C1orf21: variants seen among roughly 807,000 people sequenced by gnomAD.
C1orf21 encodes chromosome 1 open reading frame 21.
Under a neutral mutation model 18.7 loss-of-function variants are expected in C1orf21, and 3 were observed. The observed-to-expected ratio is 0.16, with a 90% CI of 0.07 to 0.42. C1orf21 has a LOEUF of 0.42. C1orf21 is among the 10% of genes least tolerant of loss of function. C1orf21 has a pLI of 0.99. For synonymous variants in C1orf21, 41 were observed against 46.4 expected (o/e 0.88, Z 0.47); for missense variants, 104 against 143.6 (o/e 0.72, Z 1.41).
chr1:184,539,994 G>C (rs546889857), intron 3 of C1orf21: 4 of 152,320 alleles, frequency 2.6e-5, no homozygotes, highest in African/African-American at 9.6e-5. Flanking sequence ...CCACGAGTGA[G>C]AAATAAACCC....
chr1:184,487,878 A>G lies in C1orf21; in HGVS notation c.94+10275A>G, dbSNP rs149081371. On this transcript the variant is annotated intron_variant, in intron 2 of 5. Coordinates refer to ENST00000235307, the MANE Select transcript of C1orf21 (RefSeq NM_030806.4). Reference sequence around the variant, plus strand: ...TTCATAGGGCTGTTGTGAGACTAAAATGTATTAATATTTGTAAATCTTAGC... The same window carrying G: ...TTCATAGGGCTGTTGTGAGACTAAAGTGTATTAATATTTGTAAATCTTAGC... 8.0e-3 allele frequency among the ~76,000 whole-genome samples: 1,225 copies of G among 152,296 alleles called. 5 individuals are homozygous for G. The highest frequency in any genetic ancestry group is 0.012 in the Non-Finnish European group (801 of 68,030).
At chr1:184,583,622 G>A (rs1005481744) in intron 3 of C1orf21, among the ~76,000 whole-genome samples, 1 of 152,150 alleles carries the variant, frequency 6.6e-6, no homozygotes, top group East Asian at 1.9e-4. Flanking sequence ...TGAAATAGAC[G>A]TGCTCAAACT....
At chr1:184,514,676 G>T (rs2101966765) in intron 3 of C1orf21, among the ~76,000 whole-genome samples, 1 of 152,286 alleles carries the variant, frequency 6.6e-6, no homozygotes, top group African/African-American at 2.4e-5. Flanking sequence ...GAGGAAGCTT[G>T]CACAAGACTA....
chr1:184,431,635 A>C (rs1449304191), intron 1 of C1orf21, among the ~76,000 whole-genome samples: 1 of 152,228 alleles, frequency 6.6e-6, no homozygotes, highest in East Asian at 1.9e-4. Context: ...TAATTAAACT[A>C]AAGAGCTTCT....
chr1:184,505,568 C>T (rs552285935), intron 2 of C1orf21, among the ~76,000 whole-genome samples: 6 of 151,442 alleles, frequency 4.0e-5, no homozygotes, highest in South Asian at 2.1e-4. Context: ...TTCGAGACCA[C>T]CCTGGCCAAC....
intron 3 of C1orf21, among the ~76,000 whole-genome samples, chr1:184,544,738 T>TA (rs5779221): frequency 0.028 from 4,189 of 152,256 alleles, 183 homozygotes; most frequent in African/African-American, 0.094. Context: ...TGGGAGCACT[T>TA]TAGCTGGGCA....
chr1:184,501,465 TA>T (rs1170481416), intron 2 of C1orf21, among the ~76,000 whole-genome samples: 1 of 152,168 alleles, frequency 6.6e-6, no homozygotes. Context: ...TAACCTTGAT[TA>T]GGGGTCTCTT....
At chr1:184,423,859 G>GTCCGTCCA (rs111503593) in intron 1 of C1orf21, among the ~76,000 whole-genome samples, 4 of 146,954 alleles carry the variant, frequency 2.7e-5, no homozygotes, top group African/African-American at 1.0e-4. Flanking sequence ...TCCACCCATC[G>GTCCGTCCA]TCCATCCATC....
intron 5 of C1orf21, among the ~76,000 whole-genome samples, chr1:184,608,336 A>G (rs1001034676): frequency 1.3e-5 from 2 of 152,250 alleles, no homozygotes; most frequent in African/African-American, 4.8e-5. Flanking sequence ...CACAGTGGTC[A>G]CTGGCTTTGC....
intron 5 of C1orf21, among the ~76,000 whole-genome samples, chr1:184,604,102 A>G (rs1286893270): frequency 2.0e-5 from 3 of 152,228 alleles, no homozygotes; most frequent in African/African-American, 7.2e-5. Context: ...GTGAACTATG[A>G]TGTTGGGTTC....
chr1:184,406,915 T>G (rs1452891962), intron 1 of C1orf21, among the ~76,000 whole-genome samples: 2 of 152,178 alleles, frequency 1.3e-5, no homozygotes, highest in Non-Finnish European at 2.9e-5. Flanking sequence ...TGCCTCGGCC[T>G]ACCAAAATGA....
intron 3 of C1orf21, among the ~76,000 whole-genome samples, chr1:184,580,507 T>G (rs1659261020): frequency 6.6e-6 from 1 of 152,254 alleles, no homozygotes; most frequent in South Asian, 2.1e-4. Context: ...AAATAGGGCA[T>G]GAACAAGATT....
chr1:184,506,561 A>T (rs1326717930), intron 2 of C1orf21, among the ~76,000 whole-genome samples: 1 of 152,178 alleles, frequency 6.6e-6, no homozygotes, highest in Non-Finnish European at 1.5e-5. Flanking sequence ...CTATAGTTAG[A>T]CATTACTTCA....
intron 1 of C1orf21, among the ~76,000 whole-genome samples, chr1:184,421,935 G>A (rs1213725298): frequency 6.6e-6 from 1 of 152,186 alleles, no homozygotes; most frequent in African/African-American, 2.4e-5. Context: ...TCCTCTGGAA[G>A]CCATGTGGAT....
chr1:184,476,677 A>G (rs1360570956), intron 1 of C1orf21, among the ~76,000 whole-genome samples: 1 of 152,230 alleles, frequency 6.6e-6, no homozygotes, highest in Non-Finnish European at 1.5e-5. Context: ...CAAAAGCTTG[A>G]CAACTGCTTT....
intron 1 of C1orf21, among the ~76,000 whole-genome samples, chr1:184,401,429 A>G (rs1656149549): frequency 2.0e-5 from 3 of 152,060 alleles, no homozygotes; most frequent in Admixed American, 2.0e-4. Flanking sequence ...CCACGCAGCC[A>G]GCCTGGTCTG....
intron 1 of C1orf21, among the ~76,000 whole-genome samples, chr1:184,420,759 C>T (rs1656535324): frequency 1.3e-5 from 2 of 151,950 alleles, no homozygotes; most frequent in Admixed American, 1.3e-4. Flanking sequence ...CCCCCCCACA[C>T]AACATTAATC....
At chr1:184,558,179 G>A (rs887700620) in intron 3 of C1orf21, among the ~76,000 whole-genome samples, 3 of 152,308 alleles carry the variant, frequency 2.0e-5, no homozygotes, top group East Asian at 3.9e-4. Context: ...AGCCAGTACA[G>A]TAGAAGTCAC....
intron 2 of C1orf21, among the ~76,000 whole-genome samples, chr1:184,505,081 A>G (rs1161258185): frequency 6.6e-6 from 1 of 151,888 alleles, no homozygotes; most frequent in African/African-American, 2.4e-5. Context: ...TGAAGACTGA[A>G]TGTCACTGGG....
Sources: gnomAD v4.1 joint callset for allele counts (sites outside exome capture counted in the v4.1 genomes callset) on GRCh38, gnomAD v4.1.1 for gene constraint, MANE v1.5 for transcripts, NCBI Gene and HGNC (gene_info 2026-07-23, HGNC 2026-07-21) for gene names.